The following SESN3 variants were observed in gnomAD, a reference collection of about 807,000 sequenced individuals.
SESN3 encodes the protein sestrin-3.
SESN3 carries 21 observed loss-of-function variants against 55.3 expected under a neutral mutation model. The observed-to-expected ratio is 0.38, with a 90% CI of 0.27 to 0.55. SESN3 has a LOEUF of 0.55. SESN3 is among the 20% of genes least tolerant of loss of function. The pLI is 0.76. For missense variants in SESN3, 408 were observed against 604.3 expected, an observed-to-expected ratio of 0.68 and a Z score of 3.41; for synonymous variants, 181 against 203.1, an observed-to-expected ratio of 0.89 and a Z score of 0.93.
intron 1 of SESN3, among the ~76,000 whole-genome samples, chr11:95,220,916 T>TTC (rs1860846072): frequency 6.6e-6 from 1 of 152,204 alleles, no homozygotes; most frequent in African/African-American, 2.4e-5. Context: ...GATGCTTGAA[T>TTC]GTGATAACAT....
At chr11:95,194,057 T>C (rs1025286994) in intron 1 of SESN3, among the ~76,000 whole-genome samples, 1 of 152,064 alleles carries the variant, frequency 6.6e-6, no homozygotes, top group African/African-American at 2.4e-5. Flanking sequence ...ATGGGGAACA[T>C]AGTAATTCTT....
chr11:95,220,982 T>C (rs575458521), intron 1 of SESN3, among the ~76,000 whole-genome samples: 1 of 152,290 alleles, frequency 6.6e-6, no homozygotes, highest in African/African-American at 2.4e-5. Context: ...CTATTGTCAT[T>C]ATAGATATTA....
intron 1 of SESN3, among the ~76,000 whole-genome samples, chr11:95,209,802 A>C (rs796803459): frequency 8.0e-5 from 12 of 150,726 alleles, no homozygotes; most frequent in African/African-American, 2.7e-4. Flanking sequence ...GGATCTCCTG[A>C]GGTTAGAAGT....
rs1423361684 is a variant in SESN3, at chr11:95,167,738, A to G, written c.*5517T>C. On this transcript the variant is annotated 3_prime_UTR_variant, in exon 10 of 10. Coordinates refer to ENST00000536441, the MANE Select transcript of SESN3 (RefSeq NM_144665.4). The stretch of plus-strand genomic sequence containing the variant: ...GAAATAATAATAATCTATACTTTCA[A>G]ATGGGATGGTTCATCAGGTCAGACA... The G allele has an allele frequency of 6.6e-6, 1 of 152,158 alleles. No homozygotes were observed. Among genetic ancestry groups the G allele is most frequent in the Non-Finnish European group, 1.5e-5 (1 of 68,020 alleles). 9.4% of individuals were successfully genotyped at this position (152,158 alleles called of 1,614,324 possible). A position where few individuals can be genotyped will look rare whatever the true frequency, so the allele number is the denominator to read the frequency against.
chr11:95,166,016 A>G lies in SESN3; in HGVS notation c.*7239T>C, dbSNP rs1471518310. 6.6e-6 allele frequency: 1 copy of G among 152,226 alleles called. No individual in the cohort carries two copies. Among genetic ancestry groups the G allele is most frequent in the East Asian group, 1.9e-4 (1 of 5,204 alleles). The allele number at this position is 152,226 out of a possible 1,614,324, so 9.4% of individuals were successfully genotyped here. ...CTTATATGGTTAACTACCTTAGACT[A>G]TATCTACAGCAGGGTCTGGTTTGCC... On this transcript the variant is annotated 3_prime_UTR_variant, in exon 10 of 10. Transcript: ENST00000536441.
At chr11:95,189,703 C>T (rs1024136388) in intron 4 of SESN3, 76 bp downstream of exon 4, 1 of 1,017,988 alleles carries the variant, frequency 9.8e-7, no homozygotes, top group Non-Finnish European at 1.4e-6. Flanking sequence ...TATTTATGTT[C>T]CAAGTTCCTA....
chr11:95,214,305 C>T (rs1860711707), intron 1 of SESN3, among the ~76,000 whole-genome samples: 1 of 152,156 alleles, frequency 6.6e-6, no homozygotes, highest in South Asian at 2.1e-4. Context: ...AACATCAATA[C>T]AGGTTAAATT....
At chr11:95,186,859 T>C (rs1860177522) in intron 4 of SESN3, among the ~76,000 whole-genome samples, 1 of 151,894 alleles carries the variant, frequency 6.6e-6, no homozygotes, top group Non-Finnish European at 1.5e-5. Context: ...AAAAATATAC[T>C]TGCTTTACAT....
Position 95,189,823 on chromosome 11 carries a change from G to A in SESN3, c.481C>T (p.Leu161=), listed in dbSNP as rs774565695. Residue 161 remains leucine, a synonymous_variant, in exon 4 of 10, where the codon CTG becomes TTG. Transcript: ENST00000536441. ...ATCAGCCAAGGTCGATGTGCTAGCA[G>A]CTTATTAATTTCATTAAGATTTTTC... ...RLKNLNEINK[L]LAHRPWLITK... 5.6e-6 allele frequency: 9 copies of A among 1,611,444 alleles called. No homozygotes were observed.
At chr11:95,188,260 A>C (rs1860203538) in intron 4 of SESN3, among the ~76,000 whole-genome samples, 1 of 151,596 alleles carries the variant, frequency 6.6e-6, no homozygotes, top group Non-Finnish European at 1.5e-5. Flanking sequence ...TTTATTTGTA[A>C]ATTTATACAC....
upstream of SESN3, chr11:95,231,589 TA>T (rs1477086762): frequency 1.3e-5 from 2 of 154,380 alleles, no homozygotes; most frequent in African/African-American, 4.8e-5. Context: ...GAGAATGAGA[TA>T]AATAGTTGGG....
chr11:95,165,698 ATTG>A lies in SESN3; in HGVS notation c.*7554_*7556del, dbSNP rs1289456333. On this transcript the variant is annotated 3_prime_UTR_variant, in exon 10 of 10. Transcript: ENST00000536441. ...AATGTCATAAAAAGTGCAGTTATGA[ATTG>A]TTAACATGTTAATACACAGTTCCTT... 6.6e-6 allele frequency: 1 copy of A among 152,198 alleles called. No individual in the cohort carries two copies. Among genetic ancestry groups the A allele is most frequent in the African/African-American group, 2.4e-5 (1 of 41,450 alleles). 9.4% of individuals were successfully genotyped at this position (152,198 alleles called of 1,614,324 possible).
At chr11:95,180,454 C>T (rs149941911) in intron 6 of SESN3, among the ~76,000 whole-genome samples, 107 of 152,122 alleles carry the variant, frequency 7.0e-4, no homozygotes, top group Middle Eastern at 3.4e-3. Flanking sequence ...TTAAGTGCTC[C>T]GGTTACCCAA....
intron 1 of SESN3, among the ~76,000 whole-genome samples, chr11:95,199,221 A>G (rs1860418483): frequency 6.6e-6 from 1 of 152,130 alleles, no homozygotes; most frequent in African/African-American, 2.4e-5. Flanking sequence ...TATAATTTTA[A>G]TCAAGAAAAA....
chr11:95,213,258 T>G (rs1360281322), intron 1 of SESN3, among the ~76,000 whole-genome samples: 1 of 152,202 alleles, frequency 6.6e-6, no homozygotes, highest in Non-Finnish European at 1.5e-5. Context: ...ACATAATTTG[T>G]TTAACCAATT....
chr11:95,182,540 C>T (rs1860076148), intron 6 of SESN3, among the ~76,000 whole-genome samples: 1 of 152,130 alleles, frequency 6.6e-6, no homozygotes, highest in African/African-American at 2.4e-5. Context: ...AGAAATGTGG[C>T]CTCTCAGGCC....
chr11:95,186,822 A>G (rs866823841), intron 4 of SESN3, among the ~76,000 whole-genome samples: 1 of 151,902 alleles, frequency 6.6e-6, no homozygotes, highest in Non-Finnish European at 1.5e-5. Context: ...GAGGGTCATT[A>G]TTGAATAATA....
At chr11:95,227,829 C>T (rs1860976033) in intron 1 of SESN3, among the ~76,000 whole-genome samples, 1 of 152,106 alleles carries the variant, frequency 6.6e-6, no homozygotes, top group Non-Finnish European at 1.5e-5. Flanking sequence ...GGATTATGTT[C>T]TTCTAGTTAT....
chr11:95,171,288 T>C lies in SESN3; in HGVS notation c.*1967A>G, dbSNP rs570754449. The C allele has an allele frequency of 6.6e-6, 1 of 152,302 alleles. No individual in the cohort carries two copies. The highest frequency in any genetic ancestry group is 6.5e-5 in the Admixed American group (1 of 15,288). 9.4% of individuals were successfully genotyped at this position (152,302 alleles called of 1,614,324 possible). A position where few individuals can be genotyped will look rare whatever the true frequency, so the allele number is the denominator to read the frequency against. On this transcript the variant is annotated 3_prime_UTR_variant, in exon 10 of 10. Transcript: ENST00000536441. ...ATGTAATATTGAATAAAAGTTAACA[T>C]ATGGCATATGCAATAAAACAGACGA...
Sources: gnomAD v4.1 joint callset for allele counts (sites outside exome capture counted in the v4.1 genomes callset) on GRCh38, gnomAD v4.1.1 for gene constraint, MANE v1.5 for transcripts, NCBI Gene and HGNC (gene_info 2026-07-23, HGNC 2026-07-21) for gene names.